CCDC102B: variants seen among roughly 807,000 people sequenced by gnomAD.
The protein encoded by CCDC102B is coiled-coil domain-containing protein 102B.
Under a neutral mutation model 57.4 loss-of-function variants are expected in CCDC102B, and 75 were observed. The ratio of observed to expected loss-of-function variants is 1.31; its 90% CI spans 1.08 to 1.58. The LOEUF is 1.58. Ranked by LOEUF, CCDC102B falls within the 40% of genes most tolerant of loss-of-function variation. The probability of loss-of-function intolerance (pLI) is 0.00; values close to 1 mark genes in which losing one functional copy is unlikely to be tolerated. For missense variants in CCDC102B, 636 were observed against 582.6 expected, an observed-to-expected ratio of 1.09 and a Z score of -0.94; for synonymous variants, 206 against 201.9, an observed-to-expected ratio of 1.02 and a Z score of -0.17.
chr18:68,786,262 A>T (rs2035206557), intron 2 of CCDC102B, among the ~76,000 whole-genome samples: 1 of 152,086 alleles, frequency 6.6e-6, no homozygotes, highest in Non-Finnish European at 1.5e-5. Flanking sequence ...AGGTAGTGTG[A>T]TGCCTCCAGC....
At position 68,783,543 on chromosome 18, in the gene CCDC102B, T is replaced by C. The variant is rs75064293; in HGVS notation, c.-66-39823T>C. Among the ~76,000 whole-genome samples, 4 of 152,270 alleles carry C rather than the reference T, an allele frequency of 2.6e-5. No individual in the cohort carries two copies. In the East Asian group the frequency reaches 7.7e-4, roughly 29 times the overall value. On this transcript the variant is annotated intron_variant, in intron 2 of 3. Transcript: ENST00000578970. ...GATAATCCTGATGGTTTATACCTCA[T>C]TGGTTTGGGTTTACACTGCACTTAG... is the stretch of plus-strand genomic sequence containing the variant.
intron 7 of CCDC102B, among the ~76,000 whole-genome samples, chr18:69,043,093 G>T (rs2052472334): frequency 6.6e-6 from 1 of 152,028 alleles, no homozygotes; most frequent in African/African-American, 2.4e-5. Context: ...GTGGGGAGAG[G>T]GTCAGCAGAC....
At chr18:68,857,147 AATATATTTATATATTTT>A in intron 4 of CCDC102B, among the ~76,000 whole-genome samples, 1 of 43,260 alleles carries the variant, frequency 2.3e-5, no homozygotes, top group African/African-American at 1.1e-4. Flanking sequence ...ATTATATATA[AATATATTTATATATTTT>A]TATATAATAT....
upstream of CCDC102B, among the ~76,000 whole-genome samples, chr18:68,797,054 C>T (rs935390480): frequency 2.0e-5 from 3 of 151,838 alleles, no homozygotes; most frequent in Admixed American, 6.6e-5. Flanking sequence ...TTTAACATCA[C>T]GTGGGGAAAA....
At chr18:68,870,364 T>G (rs938443498) in intron 4 of CCDC102B, among the ~76,000 whole-genome samples, 4 of 152,078 alleles carry the variant, frequency 2.6e-5, no homozygotes, top group Non-Finnish European at 4.4e-5. Context: ...ATAATCATAA[T>G]AGTAATAGAG....
At chr18:68,815,867 A>C (rs1156273983) in intron 1 of CCDC102B, among the ~76,000 whole-genome samples, 1 of 152,196 alleles carries the variant, frequency 6.6e-6, no homozygotes, top group African/African-American at 2.4e-5. Flanking sequence ...TAAAATGTGC[A>C]TTCCATTTGG....
intron 2 of CCDC102B, among the ~76,000 whole-genome samples, chr18:68,729,139 ATAAT>A (rs1294471723): frequency 2.0e-5 from 3 of 152,342 alleles, no homozygotes; most frequent in African/African-American, 4.8e-5. Context: ...ATGCTGCATT[ATAAT>A]TAATCTAAAG....
downstream of CCDC102B, chr18:69,055,293 G>A (rs2052797578): frequency 2.8e-6 from 1 of 357,136 alleles, no homozygotes; most frequent in Non-Finnish European, 3.9e-6. Flanking sequence ...GCACTGAGGG[G>A]CAAAGAGGCC....
chr18:68,885,362 A>C (rs1479799792), intron 5 of CCDC102B, among the ~76,000 whole-genome samples: 1 of 152,090 alleles, frequency 6.6e-6, no homozygotes, highest in Non-Finnish European at 1.5e-5. Context: ...AAATTCTTCC[A>C]AATGAAGGTC....
intron 2 of CCDC102B, among the ~76,000 whole-genome samples, chr18:68,740,954 C>T (rs2033353144): frequency 6.6e-6 from 1 of 152,164 alleles, no homozygotes; most frequent in Admixed American, 6.5e-5. Flanking sequence ...GAATTTTCCT[C>T]TCAGACTTCA....
chr18:68,931,342 CA>C (rs1466588825), intron 6 of CCDC102B, among the ~76,000 whole-genome samples: 1 of 151,860 alleles, frequency 6.6e-6, no homozygotes, highest in Admixed American at 6.6e-5. Context: ...ATTTTGGACT[CA>C]AAAGACGTAA....
chr18:68,956,417 TA>T (rs559967802), intron 6 of CCDC102B, among the ~76,000 whole-genome samples: 36 of 32,694 alleles, frequency 1.1e-3, no homozygotes, highest in South Asian at 2.4e-3. Context: ...TTATATATAT[TA>T]TATATATTAT....
chr18:69,047,405 C>T (rs2052594542), intron 7 of CCDC102B, among the ~76,000 whole-genome samples: 1 of 152,024 alleles, frequency 6.6e-6, no homozygotes, highest in Non-Finnish European at 1.5e-5. Flanking sequence ...ATAATAAGAG[C>T]CATCTAAGAC....
chr18:68,974,023 A>G (rs2050370551), intron 6 of CCDC102B, among the ~76,000 whole-genome samples: 1 of 152,166 alleles, frequency 6.6e-6, no homozygotes, highest in Non-Finnish European at 1.5e-5. Flanking sequence ...GCTGATATAA[A>G]GAAAACAAAT....
chr18:68,782,348 A>G (rs186240970), intron 2 of CCDC102B, among the ~76,000 whole-genome samples: 5 of 152,178 alleles, frequency 3.3e-5, no homozygotes, highest in African/African-American at 7.2e-5. Context: ...TCAAATATAT[A>G]TATATATATA....
intron 2 of CCDC102B, among the ~76,000 whole-genome samples, chr18:68,792,553 G>A (rs1194860845): frequency 6.6e-6 from 1 of 152,186 alleles, no homozygotes; most frequent in African/African-American, 2.4e-5. Context: ...GCCAGTGATA[G>A]CCTTAATCCA....
chr18:68,910,453 A>G (rs1167712603), intron 6 of CCDC102B, among the ~76,000 whole-genome samples: 3 of 152,196 alleles, frequency 2.0e-5, no homozygotes, highest in African/African-American at 7.2e-5. Flanking sequence ...GTAAGAAGGC[A>G]TTTTAAGGCA....
intron 6 of CCDC102B, among the ~76,000 whole-genome samples, chr18:68,971,733 T>A (rs1386349881): frequency 1.3e-5 from 2 of 152,078 alleles, no homozygotes; most frequent in Non-Finnish European, 2.9e-5. Context: ...TGGAGTGAGG[T>A]TTCTCTTTTA....
At chr18:68,902,484 T>C (rs1386112385) in intron 6 of CCDC102B, among the ~76,000 whole-genome samples, 1 of 152,196 alleles carries the variant, frequency 6.6e-6, no homozygotes, top group African/African-American at 2.4e-5. Context: ...ATCATCTTCA[T>C]CTAGCAACCT....
Sources: gnomAD v4.1 joint callset for allele counts (sites outside exome capture counted in the v4.1 genomes callset) on GRCh38, gnomAD v4.1.1 for gene constraint, MANE v1.5 for transcripts, NCBI Gene and HGNC (gene_info 2026-07-23, HGNC 2026-07-21) for gene names.